Variants in PARD3 observed in about 807,000 individuals in gnomAD.
PARD3 encodes the protein partitioning defective 3 homolog.
A neutral mutation model predicts 155.4 loss-of-function variants in PARD3; 75 were observed. That is an observed-to-expected ratio of 0.48 (90% confidence interval 0.40 to 0.58). PARD3 has a LOEUF of 0.58. PARD3 is among the 20% of genes least tolerant of loss of function. The probability of loss-of-function intolerance (pLI) is 0.00; values close to 1 mark genes in which losing one functional copy is unlikely to be tolerated. For synonymous variants in PARD3, 576 were observed against 610.5 expected (o/e 0.94, Z 0.83); for missense variants, 1,642 against 1,721.7 (o/e 0.95, Z 0.82).
In PARD3 at chr10:34,397,630, T is replaced by C. The variant is rs532637973; in HGVS notation, c.890+1700A>G. Among the ~76,000 whole-genome samples, 76 of 152,332 alleles carry C rather than the reference T, an allele frequency of 5.0e-4. 1 individual carries two copies. Among genetic ancestry groups the C allele is most frequent in the Middle Eastern group, 6.8e-3 (2 of 294 alleles). On this transcript the variant is annotated intron_variant, in intron 7 of 24. Coordinates refer to ENST00000374788, the MANE Select transcript of PARD3 (RefSeq NM_001184785.2). ...CTTTGACTTAATCTAGATAGTAAGTTTATTTTTCCATCTTACTCTCCATTT... is the reference window on the plus strand; with the variant it reads ...CTTTGACTTAATCTAGATAGTAAGTCTATTTTTCCATCTTACTCTCCATTT...
chr10:34,259,259 T>C (rs938335395), intron 22 of PARD3, among the ~76,000 whole-genome samples: 4 of 152,122 alleles, frequency 2.6e-5, no homozygotes, highest in Non-Finnish European at 1.5e-5. Context: ...TGTATTGCCT[T>C]GAGACAACAC....
At chr10:34,476,900 G>C (rs1301690748) in intron 3 of PARD3, among the ~76,000 whole-genome samples, 1 of 152,162 alleles carries the variant, frequency 6.6e-6, no homozygotes, top group Non-Finnish European at 1.5e-5. Flanking sequence ...TTTAAGGAAA[G>C]ACATTCATAT....
intron 1 of PARD3, among the ~76,000 whole-genome samples, chr10:34,721,916 G>A (rs1322912562): frequency 2.0e-5 from 3 of 152,158 alleles, no homozygotes; most frequent in East Asian, 3.9e-4. Flanking sequence ...AGTGGCTCAC[G>A]CCTGTAATCC....
chr10:34,483,482 CAAAAA>C (rs35352038), intron 3 of PARD3, among the ~76,000 whole-genome samples: 4 of 50,420 alleles, frequency 7.9e-5, no homozygotes. Context: ...ACTCTGTCAC[CAAAAA>C]AAAAAAAAAA....
At chr10:34,409,151 G>A (rs1844795805) in intron 5 of PARD3, among the ~76,000 whole-genome samples, 1 of 152,080 alleles carries the variant, frequency 6.6e-6, no homozygotes, top group Admixed American at 6.6e-5. Flanking sequence ...CCAGAGAAAT[G>A]AAATGCCTCC....
At chr10:34,589,168 G>A (rs2088398072) in intron 2 of PARD3, among the ~76,000 whole-genome samples, 4 of 152,156 alleles carry the variant, frequency 2.6e-5, no homozygotes, top group Admixed American at 2.0e-4. Context: ...ATGAGTAGAA[G>A]TGAAATATTT....
intron 5 of PARD3, among the ~76,000 whole-genome samples, chr10:34,404,795 T>C (rs988994825): frequency 3.9e-5 from 6 of 152,016 alleles, no homozygotes; most frequent in African/African-American, 1.4e-4. Flanking sequence ...AATAAAAACA[T>C]CTTCCTTGGC....
intron 2 of PARD3, among the ~76,000 whole-genome samples, chr10:34,570,687 G>A (rs898711118): frequency 2.6e-5 from 4 of 152,036 alleles, no homozygotes; most frequent in Admixed American, 6.6e-5. Context: ...ATCAGAAACC[G>A]AAAAATAAAA....
chr10:34,288,489 C>T (rs901804570), intron 20 of PARD3, among the ~76,000 whole-genome samples: 8 of 152,094 alleles, frequency 5.3e-5, no homozygotes, highest in Admixed American at 1.3e-4. Context: ...TATCTATACC[C>T]ATATTCACCC....
intron 19 of PARD3, among the ~76,000 whole-genome samples, chr10:34,324,437 C>T (rs1044108448): frequency 4.6e-5 from 7 of 152,094 alleles, no homozygotes; most frequent in Non-Finnish European, 7.4e-5. Context: ...GTATAATATA[C>T]ACACATTAGA....
chr10:34,447,305 C>T (rs188914189), intron 5 of PARD3, among the ~76,000 whole-genome samples: 3 of 151,506 alleles, frequency 2.0e-5, no homozygotes, highest in Non-Finnish European at 4.4e-5. Context: ...CATGGTGAAA[C>T]CCCATCTGTA....
chr10:34,605,179 A>ATTTTTTTTTTTTTTTTTTTTTTTT (rs1564404102), intron 2 of PARD3, among the ~76,000 whole-genome samples: 1 of 114,180 alleles, frequency 8.8e-6, no homozygotes, highest in African/African-American at 3.7e-5. Context: ...CCCAAAATGA[A>ATTTTTTTTTTTTTTTTTTTTTTTT]ATTTTTTTTT....
chr10:34,406,023 A>T (rs1341889176), intron 5 of PARD3, among the ~76,000 whole-genome samples: 1 of 152,186 alleles, frequency 6.6e-6, no homozygotes, highest in African/African-American at 2.4e-5. Context: ...CTCTTAGATG[A>T]GTCATCTGTA....
chr10:34,810,041 C>T (rs899112782), intron 1 of PARD3, among the ~76,000 whole-genome samples: 1 of 152,070 alleles, frequency 6.6e-6, no homozygotes, highest in Non-Finnish European at 1.5e-5. Context: ...AACAGTCTCC[C>T]GCCACCAAAA....
intron 3 of PARD3, among the ~76,000 whole-genome samples, chr10:34,500,281 A>G (rs1274337334): frequency 6.6e-6 from 1 of 152,260 alleles, no homozygotes; most frequent in African/African-American, 2.4e-5. Flanking sequence ...GAAAATTTTA[A>G]TTATCTAAAA....
intron 5 of PARD3, among the ~76,000 whole-genome samples, chr10:34,415,623 A>G (rs1415090655): frequency 6.6e-6 from 1 of 152,218 alleles, no homozygotes; most frequent in Non-Finnish European, 1.5e-5. Context: ...CCTGAATTGC[A>G]TAAAAGACCA....
intron 1 of PARD3, among the ~76,000 whole-genome samples, chr10:34,704,384 T>A (rs2094331660): frequency 6.6e-6 from 1 of 152,146 alleles, no homozygotes; most frequent in African/African-American, 2.4e-5. Context: ...GAATATTTAA[T>A]CAAATTTGTA....
intron 2 of PARD3, among the ~76,000 whole-genome samples, chr10:34,654,762 T>G (rs1346093731): frequency 6.6e-6 from 1 of 152,156 alleles, no homozygotes; most frequent in Non-Finnish European, 1.5e-5. Flanking sequence ...CACTCTGCCG[T>G]GATATGGACA....
intron 20 of PARD3, among the ~76,000 whole-genome samples, chr10:34,311,295 C>T (rs1957684635): frequency 6.6e-6 from 1 of 151,968 alleles, no homozygotes; most frequent in South Asian, 2.1e-4. Context: ...AGAGACAGGG[C>T]CTTACTGTGT....
Sources: allele counts gnomAD v4.1 joint callset (sites outside exome capture counted in the v4.1 genomes callset), GRCh38; gene constraint gnomAD v4.1.1; transcripts MANE v1.5; gene names NCBI Gene and HGNC (gene_info 2026-07-23, HGNC 2026-07-21).